Variants in SLCO1C1 observed in about 807,000 individuals in gnomAD.
The protein encoded by SLCO1C1 is solute carrier organic anion transporter family member 1C1, also known as OAT-RP-5.
In SLCO1C1, 70 loss-of-function variants were observed where a neutral mutation model predicts 76.4. That is an observed-to-expected ratio of 0.92 (90% CI 0.76 to 1.12). SLCO1C1 has a LOEUF of 1.12. Among genes scored for constraint, SLCO1C1 ranks in the 50% most tolerant of loss-of-function variants. The pLI is 0.00. For missense variants in SLCO1C1, 912 were observed against 823.8 expected, an observed-to-expected ratio of 1.11 and a Z score of -1.31; for synonymous variants, 306 against 286.1, an observed-to-expected ratio of 1.07 and a Z score of -0.70.
At chr12:20,748,458 T>A (rs1358440824) in intron 13 of SLCO1C1, among the ~76,000 whole-genome samples, 2 of 152,152 alleles carry the variant, frequency 1.3e-5, no homozygotes, top group Non-Finnish European at 2.9e-5. Context: ...CTAGAGCAAA[T>A]CTATATATAG....
intron 13 of SLCO1C1, among the ~76,000 whole-genome samples, chr12:20,749,421 T>C (rs1242413645): frequency 6.6e-6 from 1 of 152,184 alleles, no homozygotes; most frequent in African/African-American, 2.4e-5. Flanking sequence ...CAGCCAACTA[T>C]GACCATGGAC....
At chr12:20,702,138 T>C (rs553693861) in intron 3 of SLCO1C1, among the ~76,000 whole-genome samples, 5 of 151,962 alleles carry the variant, frequency 3.3e-5, no homozygotes, top group Admixed American at 1.3e-4. Context: ...CTTTAATTTT[T>C]TGCTGAAGTA....
chr12:20,741,630 A>T (rs1177674973), intron 12 of SLCO1C1, among the ~76,000 whole-genome samples: 1 of 152,110 alleles, frequency 6.6e-6, no homozygotes, highest in Non-Finnish European at 1.5e-5. Context: ...TTCTCCTATT[A>T]AAACACAATT....
intron 3 of SLCO1C1, among the ~76,000 whole-genome samples, chr12:20,703,415 TTGTTGA>T (rs1453233283): frequency 4.8e-5 from 4 of 82,700 alleles, no homozygotes; most frequent in Middle Eastern, 5.6e-3. Context: ...TTTGTTGTTG[TTGTTGA>T]TATTACCTTA....
At chr12:20,741,873 GTATT>G (rs1413552810) in intron 12 of SLCO1C1, among the ~76,000 whole-genome samples, 1 of 152,072 alleles carries the variant, frequency 6.6e-6, no homozygotes, top group Non-Finnish European at 1.5e-5. Context: ...CTAGAAATCA[GTATT>G]TATGAGATGG....
At chr12:20,721,086 A>T (rs952965918) in intron 7 of SLCO1C1, among the ~76,000 whole-genome samples, 5 of 151,748 alleles carry the variant, frequency 3.3e-5, no homozygotes, top group African/African-American at 9.7e-5. Context: ...GATGGAACCT[A>T]CTCCTGATGA....
chr12:20,703,088 T>C (rs1385677008), intron 3 of SLCO1C1, among the ~76,000 whole-genome samples: 1 of 151,950 alleles, frequency 6.6e-6, no homozygotes, highest in Admixed American at 6.6e-5. Flanking sequence ...TAAAATGGCT[T>C]AAAAGTTCTC....
At chr12:20,731,952 T>C (rs191850985) in intron 9 of SLCO1C1, among the ~76,000 whole-genome samples, 8 of 152,332 alleles carry the variant, frequency 5.3e-5, no homozygotes, top group Admixed American at 5.2e-4. Flanking sequence ...TAGCTCCGTA[T>C]TATAGATGAG....
intron 13 of SLCO1C1, among the ~76,000 whole-genome samples, chr12:20,746,103 T>C (rs962506126): frequency 6.6e-6 from 1 of 152,080 alleles, no homozygotes; most frequent in Non-Finnish European, 1.5e-5. Context: ...GGACTTTTTT[T>C]ATACTAGAAA....
intron 1 of SLCO1C1, chr12:20,697,420 A>C (rs771624792): frequency 1.3e-5 from 2 of 152,050 alleles, no homozygotes; most frequent in Non-Finnish European, 2.9e-5. Flanking sequence ...ATAGTTTTGT[A>C]GTAAAGATAC....
intron 9 of SLCO1C1, among the ~76,000 whole-genome samples, chr12:20,725,914 ACATGT>A (rs1487689066): frequency 6.6e-6 from 1 of 152,050 alleles, no homozygotes; most frequent in Non-Finnish European, 1.5e-5. Context: ...AAAGTTTCTG[ACATGT>A]CATATCTACA....
In SLCO1C1 at chr12:20,737,189, C is replaced by A. The variant is rs752166785; in HGVS notation, c.1465C>A (p.Pro489Thr). 6.4e-7 allele frequency: 1 copy of A among 1,569,888 alleles called. No homozygotes were observed. The highest frequency in any genetic ancestry group is 8.6e-7 in the Non-Finnish European group (1 of 1,164,190). Reference protein sequence around the residue: ...RCKCSETKWEPMCGENGITYV... With the variant: ...RCKCSETKWETMCGENGITYV... ...CAAATGTTCAGAGACAAAATGGGAA[C>A]CCATGTGCGGTGAAAATGGAATCAC... is the stretch of plus-strand genomic sequence containing the variant. The change falls in exon 11 of 15, where the codon CCC becomes ACC. Residue 489 changes from proline to threonine, a missense_variant. Transcript: ENST00000266509.
chr12:20,701,317 G>A lies in SLCO1C1; in HGVS notation c.130-1G>A. The A allele has an allele frequency of 3.3e-6, 5 of 1,496,214 alleles. No individual in the cohort carries two copies. Among genetic ancestry groups the A allele is most frequent in the Non-Finnish European group, 3.6e-6 (4 of 1,104,636 alleles). 92.7% of individuals were successfully genotyped at this position (1,496,214 alleles called of 1,614,324 possible). On this transcript the variant is annotated splice_acceptor_variant, in intron 2 of 14. Coordinates refer to ENST00000266509, the MANE Select transcript of SLCO1C1 (RefSeq NM_017435.5). LOFTEE classifies it high-confidence loss of function. ...TAAGTGTGACCTGTCATATTTTCCA[G>A]GTGTTCTTGTGTGCCTTGTCTTTTG...
chr12:20,726,501 G>T (rs142707626), intron 9 of SLCO1C1, among the ~76,000 whole-genome samples: 1 of 151,902 alleles, frequency 6.6e-6, no homozygotes, highest in Non-Finnish European at 1.5e-5. Flanking sequence ...TTTTTCTCAA[G>T]TTAATTACTT....
intron 9 of SLCO1C1, among the ~76,000 whole-genome samples, chr12:20,724,720 T>C (rs1947877768): frequency 6.7e-6 from 1 of 148,278 alleles, no homozygotes; most frequent in African/African-American, 2.4e-5. Flanking sequence ...CAGTGGTACA[T>C]TCTTTTTCAT....
chr12:20,737,054 T>C, intron 10 of SLCO1C1, 53 bp from the exon 11 acceptor site: 3 of 1,378,760 alleles, frequency 2.2e-6, no homozygotes. Flanking sequence ...TTGAAAATAT[T>C]CGGGTGCTAC....
intron 9 of SLCO1C1, 146 bp from the exon 10 acceptor site, chr12:20,732,763 C>G: frequency 1.3e-6 from 1 of 795,142 alleles, no homozygotes; most frequent in Non-Finnish European, 2.0e-6. Flanking sequence ...CCTAGATACT[C>G]ATCATACACT....
At chr12:20,751,950 G>T (rs777416727) in intron 14 of SLCO1C1, among the ~76,000 whole-genome samples, 1 of 152,070 alleles carries the variant, frequency 6.6e-6, no homozygotes, top group Non-Finnish European at 1.5e-5. Context: ...TCAAAACTGG[G>T]TACTTTTGAG....
intron 5 of SLCO1C1, among the ~76,000 whole-genome samples, chr12:20,712,596 CA>C (rs1418643447): frequency 1.3e-5 from 2 of 152,176 alleles, no homozygotes; most frequent in African/African-American, 4.8e-5. Context: ...CCGGAGGAAC[CA>C]CATTGTATAC....
Sources: allele counts gnomAD v4.1 joint callset (sites outside exome capture counted in the v4.1 genomes callset), GRCh38; gene constraint gnomAD v4.1.1; transcripts MANE v1.5; gene names NCBI Gene and HGNC (gene_info 2026-07-23, HGNC 2026-07-21).